The following UTRN variants were observed in gnomAD, a reference collection of about 807,000 sequenced individuals.
UTRN encodes utrophin.
A neutral mutation model predicts 463.9 loss-of-function variants in UTRN; 283 were observed. The ratio of observed to expected loss-of-function variants is 0.61; its 90% confidence interval spans 0.55 to 0.67. The LOEUF (loss-of-function observed/expected upper bound fraction) is 0.67. UTRN is among the 30% of genes least tolerant of loss of function. UTRN has a pLI of 0.00. For missense variants in UTRN, 3,922 were observed against 4,084.3 expected (o/e 0.96, Z 1.08); for synonymous variants, 1,442 against 1,431.5 (o/e 1.01, Z -0.17).
chr6:144,375,038 C>G (rs570427697), intron 2 of UTRN, among the ~76,000 whole-genome samples: 4 of 151,074 alleles, frequency 2.6e-5, no homozygotes, highest in Admixed American at 6.6e-5. Flanking sequence ...ATGTTTTCTC[C>G]CATAGTTAAA....
At chr6:144,564,009 TTC>T (rs2128618837) in intron 50 of UTRN, among the ~76,000 whole-genome samples, 1 of 152,320 alleles carries the variant, frequency 6.6e-6, no homozygotes, top group Non-Finnish European at 1.5e-5. Context: ...TTTCATTTGT[TTC>T]TTTTTCCATT....
chr6:144,567,227 T>C (rs2128620283), intron 50 of UTRN, among the ~76,000 whole-genome samples: 1 of 152,054 alleles, frequency 6.6e-6, no homozygotes, highest in South Asian at 2.1e-4. Flanking sequence ...CCTGGGGAGA[T>C]GGAAGGTACA....
intron 51 of UTRN, among the ~76,000 whole-genome samples, chr6:144,606,287 T>C (rs1209131383): frequency 6.6e-6 from 1 of 152,170 alleles, no homozygotes; most frequent in African/African-American, 2.4e-5. Flanking sequence ...CAGATGTAAT[T>C]ACCAATACAA....
intron 2 of UTRN, among the ~76,000 whole-genome samples, chr6:144,354,300 C>A (rs187170456): frequency 1.3e-5 from 2 of 152,296 alleles, no homozygotes; most frequent in Admixed American, 1.3e-4. Context: ...CAAAGCTCTG[C>A]CCCCTGCGTC....
chr6:144,348,922 G>GA lies in UTRN; in HGVS notation c.80-54198dup, dbSNP rs534471028. ...GCACTCTAGCCTGGGCAACAAGAGC[G>GA]AAACTCCATCTCAAAAAAAAACAAA... On this transcript the variant is annotated intron_variant, in intron 2 of 74. Coordinates refer to ENST00000367545, the MANE Select transcript of UTRN (RefSeq NM_007124.3). Among the ~76,000 whole-genome samples the GA allele has an allele frequency of 7.9e-3, 1,201 of 151,072 alleles. 9 individuals carry two copies. The highest frequency in any genetic ancestry group is 0.014 in the Non-Finnish European group (934 of 67,960).
At chr6:144,410,639 A>C (rs546958367) in intron 3 of UTRN, among the ~76,000 whole-genome samples, 62 of 150,438 alleles carry the variant, frequency 4.1e-4, no homozygotes, top group Non-Finnish European at 7.4e-4. Flanking sequence ...GGATCCTCAC[A>C]GCTTAGCTCC....
At chr6:144,502,641 C>A (rs1242237144) in intron 34 of UTRN, among the ~76,000 whole-genome samples, 5 of 152,180 alleles carry the variant, frequency 3.3e-5, no homozygotes, top group Non-Finnish European at 5.9e-5. Context: ...GCCACATTTT[C>A]TTTATCCAGT....
chr6:144,551,245 T>A (rs1040797947), intron 48 of UTRN, among the ~76,000 whole-genome samples, 163 bp downstream of exon 48: 4 of 152,300 alleles, frequency 2.6e-5, no homozygotes, highest in African/African-American at 9.6e-5. Context: ...TACAGAAATG[T>A]AGCTTTCCCT....
intron 51 of UTRN, among the ~76,000 whole-genome samples, chr6:144,606,547 T>C (rs1420204786): frequency 1.3e-5 from 2 of 152,236 alleles, no homozygotes; most frequent in Admixed American, 6.5e-5. Context: ...CCTTGTATTA[T>C]ATTAAAAATG....
chr6:144,406,143 C>T (rs1354522625), intron 3 of UTRN, among the ~76,000 whole-genome samples: 1 of 151,930 alleles, frequency 6.6e-6, no homozygotes, highest in Non-Finnish European at 1.5e-5. Context: ...AAAATTTTCC[C>T]CTGAACTGGT....
At chr6:144,474,883 G>A in intron 25 of UTRN, 124 bp downstream of exon 25, 1 of 1,142,618 alleles carries the variant, frequency 8.8e-7, no homozygotes, top group Non-Finnish European at 1.2e-6. Context: ...ACTCCAGCAT[G>A]GGTAGTGAGC....
intron 51 of UTRN, among the ~76,000 whole-genome samples, chr6:144,625,532 G>T (rs538245039): frequency 6.6e-6 from 1 of 152,262 alleles, no homozygotes; most frequent in South Asian, 2.1e-4. Context: ...AAGAATACTG[G>T]TCTAAAATCA....
chr6:144,676,987 A>C (rs1781678895), intron 51 of UTRN, among the ~76,000 whole-genome samples: 2 of 152,296 alleles, frequency 1.3e-5, no homozygotes, highest in Admixed American at 1.3e-4. Flanking sequence ...ACAGTTGTAT[A>C]AGATTTCAAA....
intron 50 of UTRN, among the ~76,000 whole-genome samples, chr6:144,567,804 A>G (rs1800539335): frequency 1.3e-5 from 2 of 152,158 alleles, no homozygotes; most frequent in African/African-American, 4.8e-5. Flanking sequence ...TTGGCAACAC[A>G]CATTGATGGG....
In UTRN at chr6:144,490,027, T is replaced by TA. The variant is rs144658666; in HGVS notation, c.4135-34dup. On this transcript the variant is annotated intron_variant, in intron 30 of 74. Coordinates refer to ENST00000367545, the MANE Select transcript of UTRN (RefSeq NM_007124.3). Reference sequence around the variant, plus strand: ...TGTATTGTCTCTTTTTATACTTAAGTAAAAAAAAAAGGACATCCTCTCCCC... The same window carrying TA: ...TGTATTGTCTCTTTTTATACTTAAGTAAAAAAAAAAAGGACATCCTCTCCCC... 10,807 of 1,348,244 alleles carry TA rather than the reference T, an allele frequency of 8.0e-3. 256 individuals carry two copies. In the African/African-American group the frequency reaches 0.11, roughly 13 times the overall value. The allele number at this position is 1,348,244 out of a possible 1,614,324, so 83.5% of individuals were successfully genotyped here.
chr6:144,349,722 C>T (rs147796711), intron 2 of UTRN, among the ~76,000 whole-genome samples: 12 of 152,224 alleles, frequency 7.9e-5, no homozygotes, highest in African/African-American at 2.4e-4. Flanking sequence ...AAGGCATGCT[C>T]ATGAAACTGG....
intron 34 of UTRN, among the ~76,000 whole-genome samples, chr6:144,502,079 G>A (rs1373546463): frequency 1.3e-5 from 2 of 150,460 alleles, no homozygotes; most frequent in Non-Finnish European, 3.0e-5. Flanking sequence ...TATTACTGTA[G>A]CTTCCTTTTT....
At chr6:144,443,157 G>A (rs577177039) in intron 13 of UTRN, among the ~76,000 whole-genome samples, 1 of 152,282 alleles carries the variant, frequency 6.6e-6, no homozygotes, top group East Asian at 1.9e-4. Flanking sequence ...ACAATACTTG[G>A]ATTTTCTGGT....
intron 34 of UTRN, among the ~76,000 whole-genome samples, chr6:144,503,744 A>C (rs1484686182): frequency 6.6e-6 from 1 of 152,086 alleles, no homozygotes; most frequent in Non-Finnish European, 1.5e-5. Flanking sequence ...TTTTGTTTCC[A>C]TATGAAATTT....
Sources: gnomAD v4.1 joint callset for allele counts (sites outside exome capture counted in the v4.1 genomes callset) on GRCh38, gnomAD v4.1.1 for gene constraint, MANE v1.5 for transcripts, NCBI Gene and HGNC (gene_info 2026-07-23, HGNC 2026-07-21) for gene names.